HIPK2: variants seen among roughly 807,000 people sequenced by gnomAD.
HIPK2 encodes the protein homeodomain interacting protein kinase 2, also known as homeodomain-interacting protein kinase 2.
In HIPK2, 27 loss-of-function variants were observed where a neutral mutation model predicts 113.7. The observed-to-expected ratio is 0.24, with a 90% confidence interval of 0.17 to 0.33. The LOEUF is 0.33. Ranked by LOEUF, HIPK2 falls within the 10% of genes least tolerant of loss-of-function variation. The pLI, the probability that HIPK2 is intolerant of heterozygous loss-of-function variation, is 1.00. For missense variants in HIPK2, 1,257 were observed against 1,588.0 expected (o/e 0.79, Z 3.54); for synonymous variants, 631 against 642.2 (o/e 0.98, Z 0.26).
chr7:139,753,752 C>T (rs1238772432), intron 1 of HIPK2, among the ~76,000 whole-genome samples: 1 of 152,340 alleles, frequency 6.6e-6, no homozygotes, highest in Non-Finnish European at 1.5e-5. Context: ...CGAGGGCAGG[C>T]GTGCATACAC....
At chr7:139,688,429 T>G (rs941914698) in intron 2 of HIPK2, among the ~76,000 whole-genome samples, 1 of 152,232 alleles carries the variant, frequency 6.6e-6, no homozygotes, top group African/African-American at 2.4e-5. Flanking sequence ...AGCTAGAGAC[T>G]GGAAGACACA....
rs773317560 is a variant in HIPK2 at position 139,620,563 on chromosome 7, G to A, written c.1620C>T (p.His540=). ...CCATGTTCTGGAAACATGATTTGAC[G>A]CTGTTCATGCAAAAGGCAGAGGCAT... ...THLLDFPHST[H]VKSCFQNMEI... Residue 540 remains histidine, a splice_region_variant and synonymous_variant, in exon 7 of 15, where the codon CAC becomes CAT. Transcript: ENST00000406875. The A allele has an allele frequency of 1.7e-5, 28 of 1,613,890 alleles. No homozygotes were observed. The Middle Eastern group carries it at 6.6e-4, about 38-fold the overall frequency.
At chr7:139,692,412 G>T (rs888500513) in intron 2 of HIPK2, among the ~76,000 whole-genome samples, 1 of 152,160 alleles carries the variant, frequency 6.6e-6, no homozygotes, top group Non-Finnish European at 1.5e-5. Flanking sequence ...AAGGTCAAAG[G>T]TATAGAGCTA....
chr7:139,723,555 C>A (rs1057467969), intron 1 of HIPK2, among the ~76,000 whole-genome samples: 1 of 152,080 alleles, frequency 6.6e-6, no homozygotes, highest in Non-Finnish European at 1.5e-5. Flanking sequence ...AGCATATTTT[C>A]CCCCCACTAT....
At chr7:139,766,017 C>T (rs1255735383) in intron 1 of HIPK2, among the ~76,000 whole-genome samples, 1 of 152,208 alleles carries the variant, frequency 6.6e-6, no homozygotes, top group Non-Finnish European at 1.5e-5. Context: ...ACCATTGATA[C>T]TTGGAGAAGA....
Position 139,596,799 on chromosome 7 carries a change from C to T in HIPK2, c.2635G>A (p.Asp879Asn), listed in dbSNP as rs1799231420. The T allele has an allele frequency of 1.2e-6, 2 of 1,613,978 alleles. No homozygotes were observed. Among genetic ancestry groups the T allele is most frequent in the East Asian group, 2.2e-5 (1 of 44,884 alleles). ...ACGCTGACCGTGGGGCTGGGAGTGT[C>T]GGGAATGACAATTGTCTGCCGCTGC... ...ERQRQTIVIP[D>N]TPSPTVSVIT... Residue 879 changes from aspartate to asparagine, a missense_variant, in exon 12 of 15, where the codon GAC becomes AAC. Asp to Asn is a conservative substitution (Grantham distance 23, BLOSUM62 1). Transcript: ENST00000406875.
At chr7:139,731,941 A>C (rs977618666) in intron 1 of HIPK2, among the ~76,000 whole-genome samples, 3 of 152,154 alleles carry the variant, frequency 2.0e-5, no homozygotes, top group African/African-American at 7.2e-5. Context: ...TACCACCTCC[A>C]CAACTCGCAG....
rs772789968 is a variant in HIPK2, at chr7:139,631,879, T to A, written c.1104-154A>T. 4.6e-5 allele frequency: 25 copies of A among 538,516 alleles called. No individual in the cohort carries two copies. Among genetic ancestry groups the A allele is most frequent in the Non-Finnish European group, 5.9e-5 (25 of 422,158 alleles). 33.4% of individuals were successfully genotyped at this position (538,516 alleles called of 1,614,324 possible). ...GAGAGGCGCTGTGCTACAACAATCCTTCCATTCTTTGGCTTGGTCCCCTCC... is the reference window on the plus strand; with the variant it reads ...GAGAGGCGCTGTGCTACAACAATCCATCCATTCTTTGGCTTGGTCCCCTCC... On this transcript the variant is annotated intron_variant, in intron 2 of 14. Transcript: ENST00000406875. This position sits in a 1 kb window ranked among gnomAD's most constrained non-coding sequence, Gnocchi z 4.9.
chr7:139,611,846 C>T (rs1430634303), intron 9 of HIPK2, among the ~76,000 whole-genome samples: 1 of 152,112 alleles, frequency 6.6e-6, no homozygotes, highest in Non-Finnish European at 1.5e-5. Flanking sequence ...GTGTGCACCA[C>T]CACACCCATT....
intron 4 of HIPK2, among the ~76,000 whole-genome samples, chr7:139,629,439 G>C (rs1387143539): frequency 1.3e-5 from 2 of 152,228 alleles, no homozygotes; most frequent in African/African-American, 4.8e-5. Context: ...CATAGCTCTT[G>C]CTACGTGCCA....
intron 2 of HIPK2, among the ~76,000 whole-genome samples, chr7:139,682,272 C>T (rs1360169240): frequency 1.3e-5 from 2 of 152,366 alleles, no homozygotes; most frequent in East Asian, 3.9e-4. Context: ...ACTCATCAAA[C>T]ATCCACTGAG....
At chr7:139,668,711 C>A (rs1295340799) in intron 2 of HIPK2, among the ~76,000 whole-genome samples, 1 of 152,080 alleles carries the variant, frequency 6.6e-6, no homozygotes, top group Non-Finnish European at 1.5e-5. Flanking sequence ...GAGTTTAATG[C>A]CATTAATTTT....
intron 13 of HIPK2, among the ~76,000 whole-genome samples, chr7:139,582,608 A>C (rs943520250): frequency 1.3e-5 from 2 of 152,262 alleles, no homozygotes; most frequent in East Asian, 3.8e-4. Flanking sequence ...GGGTAACTCC[A>C]AAGTCAGGGA....
intron 1 of HIPK2, among the ~76,000 whole-genome samples, chr7:139,745,869 C>A (rs1796181921): frequency 6.6e-6 from 1 of 152,152 alleles, no homozygotes; most frequent in African/African-American, 2.4e-5. Context: ...TCAATCCTAC[C>A]CACTACTAGT....
intron 1 of HIPK2, 25 bp from the exon 2 acceptor site, chr7:139,717,040 T>A (rs1348221520): frequency 6.3e-7 from 1 of 1,591,684 alleles, no homozygotes; most frequent in Middle Eastern, 1.7e-4. Flanking sequence ...AAACGAAAAG[T>A]AAGTATCGGA....
intron 2 of HIPK2, among the ~76,000 whole-genome samples, chr7:139,663,918 C>G (rs1801953832): frequency 6.6e-6 from 1 of 152,186 alleles, no homozygotes; most frequent in Non-Finnish European, 1.5e-5. Flanking sequence ...CAGAAATATT[C>G]TTGTCCTCGA....
rs191058600 is a variant in HIPK2 at position 139,601,655 on chromosome 7, A to G, written c.2256-1059T>C. Among the ~76,000 whole-genome samples the G allele has an allele frequency of 9.2e-4, 140 of 152,338 alleles. 1 individual carries two copies. The East Asian group carries it at 0.011, about 12-fold the overall frequency. ...GCAGCCCTCATCCTAAAAACGGGTT[A>G]TGTTTCACAATTCTTATAATTTGGG... On this transcript the variant is annotated intron_variant, in intron 10 of 14. Coordinates refer to ENST00000406875, the MANE Select transcript of HIPK2 (RefSeq NM_022740.5).
At chr7:139,695,802 C>G (rs976103042) in intron 2 of HIPK2, among the ~76,000 whole-genome samples, 43,207 of 152,104 alleles carry the variant, frequency 0.28, 8,075 homozygotes, top group African/African-American at 0.54. Context: ...TACAAAACCA[C>G]AGTTCAGTGA....
At chr7:139,695,077 C>T (rs2116811068) in intron 2 of HIPK2, among the ~76,000 whole-genome samples, 1 of 152,330 alleles carries the variant, frequency 6.6e-6, no homozygotes, top group East Asian at 1.9e-4. Flanking sequence ...CGAGGTTCGC[C>T]ATTTTGTCAA....
Sources: allele counts gnomAD v4.1 joint callset (sites outside exome capture counted in the v4.1 genomes callset), GRCh38; gene constraint gnomAD v4.1.1; non-coding constraint Gnocchi (gnomAD v3.1); transcripts MANE v1.5; gene names NCBI Gene and HGNC (gene_info 2026-07-23, HGNC 2026-07-21).